The following ZBTB16 variants were observed in gnomAD, a reference collection of about 807,000 sequenced individuals.
The protein encoded by ZBTB16 is zinc finger and BTB domain-containing protein 16.
In ZBTB16, 8 loss-of-function variants were observed where a neutral mutation model predicts 56.8. The ratio of observed to expected loss-of-function variants is 0.14; its 90% CI spans 0.08 to 0.25. ZBTB16 has a LOEUF of 0.25. ZBTB16 is among the 10% of genes least tolerant of loss of function. ZBTB16 has a pLI of 1.00. For synonymous variants in ZBTB16, 363 were observed against 368.5 expected (o/e 0.98, Z 0.17); for missense variants, 625 against 903.0 (o/e 0.69, Z 3.95).
intron 3 of ZBTB16, among the ~76,000 whole-genome samples, chr11:114,170,214 A>T (rs954121802): frequency 2.6e-5 from 4 of 152,244 alleles, no homozygotes; most frequent in Non-Finnish European, 4.4e-5. Context: ...TGGACTAAAA[A>T]ATATGTTACG....
intron 4 of ZBTB16, among the ~76,000 whole-genome samples, chr11:114,192,707 C>A (rs1384140650): frequency 6.6e-6 from 1 of 152,108 alleles, no homozygotes; most frequent in African/African-American, 2.4e-5. Context: ...GTTATTTTGC[C>A]CAGGGTTCCA....
intron 4 of ZBTB16, among the ~76,000 whole-genome samples, chr11:114,217,512 C>T (rs1419059099): frequency 6.6e-6 from 1 of 152,176 alleles, no homozygotes; most frequent in Non-Finnish European, 1.5e-5. Flanking sequence ...TTAGTGCTGA[C>T]AGCTGAGATG....
chr11:114,115,758 T>C (rs113344397), intron 2 of ZBTB16, among the ~76,000 whole-genome samples: 38 of 152,292 alleles, frequency 2.5e-4, no homozygotes, highest in Admixed American at 1.7e-3. Context: ...CTGCTGTGGC[T>C]GTCCTCCGCT....
At chr11:114,097,586 T>A (rs936186924) in intron 2 of ZBTB16, among the ~76,000 whole-genome samples, 36 of 152,144 alleles carry the variant, frequency 2.4e-4, no homozygotes, top group East Asian at 7.7e-4. Flanking sequence ...AAATTTTTTT[T>A]AAAAAAAACA....
At chr11:114,247,123 C>T in intron 5 of ZBTB16, 75 bp from the exon 6 acceptor site, 1 of 1,606,868 alleles carries the variant, frequency 6.2e-7, no homozygotes, top group Non-Finnish European at 8.5e-7. Context: ...TTCTCATGCA[C>T]AGAATGTGCC....
intron 2 of ZBTB16, among the ~76,000 whole-genome samples, chr11:114,074,946 T>C (rs1237034734): frequency 6.6e-6 from 1 of 152,156 alleles, no homozygotes; most frequent in Non-Finnish European, 1.5e-5. Context: ...TGAGGGCGAC[T>C]TAACCGTTTC....
At chr11:114,069,803 A>G (rs1240765393) in intron 2 of ZBTB16, among the ~76,000 whole-genome samples, 1 of 152,192 alleles carries the variant, frequency 6.6e-6, no homozygotes, top group Non-Finnish European at 1.5e-5. Flanking sequence ...CTTCTTTGCA[A>G]AGCACCTCTA....
rs111738314 is a variant in ZBTB16, at chr11:114,151,147, G to T, written c.1269-5190G>T. Among the ~76,000 whole-genome samples the T allele has an allele frequency of 2.8e-3, 426 of 152,278 alleles. 2 individuals are homozygous for T. The highest frequency in any genetic ancestry group is 9.9e-3 in the African/African-American group (411 of 41,544). On this transcript the variant is annotated intron_variant, in intron 2 of 6. Coordinates refer to ENST00000335953, the MANE Select transcript of ZBTB16 (RefSeq NM_006006.6). ...ATTGATGGTCATAGGATCAGAAAGG[G>T]GTGGTCATAGGATCAAAAAGCCCAA...
intron 3 of ZBTB16, among the ~76,000 whole-genome samples, chr11:114,158,828 C>T (rs1219709240): frequency 6.6e-6 from 1 of 152,220 alleles, no homozygotes; most frequent in Non-Finnish European, 1.5e-5. Context: ...CTGCCTGGCA[C>T]ATTATTGGTG....
chr11:114,101,771 C>T (rs969726692), intron 2 of ZBTB16, among the ~76,000 whole-genome samples: 2 of 152,192 alleles, frequency 1.3e-5, no homozygotes, highest in African/African-American at 2.4e-5. Context: ...GCCTTATCCT[C>T]CATTTTCTTT....
At position 114,134,530 on chromosome 11, in the gene ZBTB16, A is replaced by G. The variant is rs78401266; in HGVS notation, c.1269-21807A>G. ...TGATAAATGGGAATGGGGTCAGCCA[A>G]TGGCTTACTGGAGAAACTAGATATA... On this transcript the variant is annotated intron_variant, in intron 2 of 6. Transcript: ENST00000335953. Among the ~76,000 whole-genome samples the G allele has an allele frequency of 5.7e-3, 861 of 152,330 alleles. 10 individuals are homozygous for G. The highest frequency in any genetic ancestry group is 0.02 in the African/African-American group (817 of 41,576).
intron 2 of ZBTB16, among the ~76,000 whole-genome samples, chr11:114,110,873 A>G (rs1008766224): frequency 2.6e-5 from 4 of 152,178 alleles, no homozygotes; most frequent in Non-Finnish European, 4.4e-5. Flanking sequence ...GAATTCTGTG[A>G]TCTTGTTTTT....
At chr11:114,153,877 C>T (rs918809778) in intron 2 of ZBTB16, among the ~76,000 whole-genome samples, 6 of 152,224 alleles carry the variant, frequency 3.9e-5, no homozygotes, top group East Asian at 1.9e-4. Context: ...ATTGTGATAG[C>T]ATGACTTGTC....
intron 2 of ZBTB16, among the ~76,000 whole-genome samples, chr11:114,076,512 G>T (rs1939571151): frequency 6.6e-6 from 1 of 152,206 alleles, no homozygotes; most frequent in African/African-American, 2.4e-5. Flanking sequence ...CGTTTGTAGA[G>T]TAGGGATTGG....
Position 114,123,925 on chromosome 11 carries a change from C to T in ZBTB16, c.1269-32412C>T, listed in dbSNP as rs78396349. Among the ~76,000 whole-genome samples the T allele has an allele frequency of 4.4e-3, 671 of 152,258 alleles. 12 individuals are homozygous for T. The highest frequency in any genetic ancestry group is 0.015 in the African/African-American group (616 of 41,534). ...TGTCACCTCCAGTGCCAGTGGGATA[C>T]GTGCCGCAACAGAGACCAGATGATG... On this transcript the variant is annotated intron_variant, in intron 2 of 6. Coordinates refer to ENST00000335953, the MANE Select transcript of ZBTB16 (RefSeq NM_006006.6).
At chr11:114,242,940 T>C (rs1050026538) in intron 5 of ZBTB16, among the ~76,000 whole-genome samples, 1 of 152,152 alleles carries the variant, frequency 6.6e-6, no homozygotes, top group African/African-American at 2.4e-5. Context: ...CTCAGCCAGT[T>C]CCAGGTGATG....
At chr11:114,199,744 AT>A (rs2135099619) in intron 4 of ZBTB16, among the ~76,000 whole-genome samples, 2 of 152,326 alleles carry the variant, frequency 1.3e-5, no homozygotes, top group Non-Finnish European at 2.9e-5. Flanking sequence ...CTGATCTTGC[AT>A]TGATGGTCTG....
intron 3 of ZBTB16, among the ~76,000 whole-genome samples, chr11:114,161,535 A>AG (rs1942589713): frequency 6.6e-6 from 1 of 152,182 alleles, no homozygotes; most frequent in Non-Finnish European, 1.5e-5. Context: ...AATTCAGAGT[A>AG]GGAGAGTGTT....
intron 2 of ZBTB16, among the ~76,000 whole-genome samples, chr11:114,096,205 G>A (rs1307269496): frequency 2.0e-5 from 3 of 152,098 alleles, no homozygotes; most frequent in African/African-American, 4.8e-5. Flanking sequence ...TTCCCTTGTC[G>A]CTCGTTTTTA....
Sources: allele counts gnomAD v4.1 joint callset (sites outside exome capture counted in the v4.1 genomes callset), GRCh38; gene constraint gnomAD v4.1.1; transcripts MANE v1.5; gene names NCBI Gene and HGNC (gene_info 2026-07-23, HGNC 2026-07-21).